The following C8A variants were observed in gnomAD, a reference collection of about 807,000 sequenced individuals.
C8A encodes the protein complement C8 alpha chain.
C8A carries 67 observed loss-of-function variants against 65.3 expected under a neutral mutation model. The ratio of observed to expected loss-of-function variants is 1.03; its 90% CI spans 0.84 to 1.26. The LOEUF (loss-of-function observed/expected upper bound fraction) is 1.26. Ranked by LOEUF, C8A falls within the 50% of genes most tolerant of loss-of-function variation. The pLI is 0.00. For missense variants in C8A, 781 were observed against 723.9 expected (o/e 1.08, Z -0.90); for synonymous variants, 290 against 259.4 (o/e 1.12, Z -1.13).
intron 9 of C8A, among the ~76,000 whole-genome samples, chr1:56,911,238 G>A (rs546361418): frequency 2.2e-4 from 33 of 152,080 alleles, no homozygotes; most frequent in Non-Finnish European, 4.4e-4. Flanking sequence ...ATCAGACTTA[G>A]ACAGGGGCAG....
In C8A at chr1:56,907,894, T is replaced by A. The variant is rs566499670; in HGVS notation, c.1223-62T>A. On this transcript the variant is annotated intron_variant, in intron 8 of 10. Transcript: ENST00000361249. Reference sequence around the variant, plus strand: ...TCTTCCAAATCTCATTAGTGGGGTTTGTCAACCAGTCCTTGGGCTTTTTGG... The same window carrying A: ...TCTTCCAAATCTCATTAGTGGGGTTAGTCAACCAGTCCTTGGGCTTTTTGG... 29 of 1,578,986 alleles carry A rather than the reference T, an allele frequency of 1.8e-5. No homozygotes were observed. The African/African-American group carries it at 3.6e-4, about 20-fold the overall frequency.
At chr1:56,901,012 C>A (rs1048974979) in intron 7 of C8A, among the ~76,000 whole-genome samples, 1 of 152,268 alleles carries the variant, frequency 6.6e-6, no homozygotes, top group South Asian at 2.1e-4. Context: ...GATAAAGGGA[C>A]TTTCTAGCAC....
At chr1:56,877,376 A>G (rs1210410319) in intron 4 of C8A, among the ~76,000 whole-genome samples, 3 of 151,876 alleles carry the variant, frequency 2.0e-5, no homozygotes, top group Non-Finnish European at 4.4e-5. Flanking sequence ...GTCCCCTCCC[A>G]TTGCTCCCAG....
chr1:56,874,872 C>T (rs1013305371), intron 2 of C8A, 77 bp from the exon 3 acceptor site: 75 of 1,541,926 alleles, frequency 4.9e-5, no homozygotes, highest in South Asian at 1.7e-4. Context: ...TATGTTGAGC[C>T]GAAACCAGGC....
chr1:56,854,884 C>A lies in C8A; in HGVS notation c.-18C>A, dbSNP rs143035893. ...TTTATTCCTTCAAGGTAATATAGTG[C>A]GGTGGCTTCTGGCTGAGATGTTTGC... On this transcript the variant is annotated 5_prime_UTR_variant, in exon 1 of 11. Transcript: ENST00000361249. The A allele has an allele frequency of 1.3e-5, 21 of 1,609,088 alleles. No individual in the cohort carries two copies. The Admixed American group carries it at 2.7e-4, about 21-fold the overall frequency.
At chr1:56,881,295 A>G (rs1425434452) in intron 4 of C8A, 150 bp from the exon 5 acceptor site, 6 of 763,694 alleles carry the variant, frequency 7.9e-6, no homozygotes, top group Non-Finnish European at 1.3e-5. Context: ...TCCAACTTTT[A>G]TTTTAAGTTC....
At chr1:56,914,740 T>C (rs974380795) in intron 10 of C8A, among the ~76,000 whole-genome samples, 7 of 152,028 alleles carry the variant, frequency 4.6e-5, no homozygotes, top group Non-Finnish European at 8.8e-5. Context: ...TCTCAGCTCA[T>C]TGCAACCTCC....
chr1:56,860,073 A>T (rs543672048), intron 1 of C8A, among the ~76,000 whole-genome samples: 118 of 152,132 alleles, frequency 7.8e-4, no homozygotes, highest in African/African-American at 2.4e-3. Flanking sequence ...AAAAGAAAAA[A>T]TTTTTTTTTA....
In C8A at chr1:56,917,592, G is replaced by A. The variant is rs751435132; in HGVS notation, c.1631G>A (p.Cys544Tyr). 1 of 1,614,178 alleles carries A rather than the reference G, an allele frequency of 6.2e-7. No individual in the cohort carries two copies. The highest frequency in any genetic ancestry group is 8.5e-7 in the Non-Finnish European group (1 of 1,180,030). The change falls in exon 11 of 11, where the codon TGC becomes TAC. Residue 544 changes from cysteine (C) to tyrosine (Y), a missense_variant. Transcript: ENST00000361249. ...GCCAAAGCAGATGGGAGCTGGAGTT[G>A]CTGGAGCTCCTGGTCTGTATGCAGA... ...EGAKADGSWS[C>Y]WSSWSVCRAG...
Position 56,912,594 on chromosome 1 carries a change from G to T in C8A, c.1572G>T (p.Leu524Phe). ...SCRCQCRLGSLGAACEQTQTE... is the reference protein window; with the variant it reads ...SCRCQCRLGSFGAACEQTQTE... ...GGTGCCAGTGCCGCCTGGGTAGCTT[G>T]GGTGCTGCCTGTGAGCAAACACAGA... is the stretch of plus-strand genomic sequence containing the variant. The change falls in exon 10 of 11, where the codon TTG (leucine) becomes TTT (phenylalanine). Residue 524 changes from leucine to phenylalanine, a missense_variant. Physicochemically the swap from Leu to Phe is conservative, Grantham distance 22 (BLOSUM62 0). Coordinates refer to ENST00000361249, the MANE Select transcript of C8A (RefSeq NM_000562.3). 1 of 1,614,180 alleles carries T rather than the reference G, an allele frequency of 6.2e-7. No homozygotes were observed. Among genetic ancestry groups the T allele is most frequent in the Non-Finnish European group, 8.5e-7 (1 of 1,180,038 alleles).
intron 7 of C8A, among the ~76,000 whole-genome samples, chr1:56,906,192 G>T (rs1644462775): frequency 1.3e-5 from 2 of 152,306 alleles, no homozygotes; most frequent in South Asian, 4.1e-4. Context: ...GAATTATTCA[G>T]ATCTAAAAAT....
chr1:56,881,601 G>A lies in C8A; in HGVS notation c.621G>A (p.Arg207=), dbSNP rs1029029680. The change falls in exon 5 of 11, where the codon CGG becomes CGA. Residue 207 remains arginine, a synonymous_variant. Transcript: ENST00000361249. ...LYYGDDEKYF[R]KPYNFLKYHF... ...ATGGAGATGATGAGAAATACTTTCG[G>A]AAACCCTACAACTTTCTGAAGTACC... is the stretch of plus-strand genomic sequence containing the variant. 1 of 1,613,484 alleles carries A rather than the reference G, an allele frequency of 6.2e-7. No homozygotes were observed. Among genetic ancestry groups the A allele is most frequent in the African/African-American group, 1.3e-5 (1 of 74,894 alleles).
At chr1:56,893,730 C>T (rs1185496768) in intron 7 of C8A, among the ~76,000 whole-genome samples, 1 of 152,156 alleles carries the variant, frequency 6.6e-6, no homozygotes, top group Non-Finnish European at 1.5e-5. Context: ...TCATCTGCCT[C>T]ATAGAGTGGT....
chr1:56,881,952 T>A (rs547002684), intron 5 of C8A, among the ~76,000 whole-genome samples: 1 of 152,170 alleles, frequency 6.6e-6, no homozygotes, highest in Non-Finnish European at 1.5e-5. Flanking sequence ...TATACAAGAC[T>A]GTTAGCAGCT....
intron 1 of C8A, among the ~76,000 whole-genome samples, chr1:56,856,912 C>A (rs1214666579): frequency 6.6e-6 from 1 of 152,032 alleles, no homozygotes; most frequent in African/African-American, 2.4e-5. Flanking sequence ...AAGTTATAAT[C>A]TTCAGCCTCA....
At chr1:56,898,168 G>A (rs898414434) in intron 7 of C8A, among the ~76,000 whole-genome samples, 5 of 152,094 alleles carry the variant, frequency 3.3e-5, no homozygotes, top group East Asian at 1.9e-4. Flanking sequence ...GGTTGGACTC[G>A]GTTTTGGAAG....
At chr1:56,877,454 T>C (rs568718199) in intron 4 of C8A, among the ~76,000 whole-genome samples, 4 of 152,176 alleles carry the variant, frequency 2.6e-5, no homozygotes, top group African/African-American at 9.7e-5. Context: ...GAGGTGTCTA[T>C]CTGCCCAGGC....
chr1:56,865,353 T>G (rs6669054), intron 1 of C8A, among the ~76,000 whole-genome samples: 17,598 of 152,258 alleles, frequency 0.12, 1,127 homozygotes, highest in Non-Finnish European at 0.15. Context: ...ATTCAGTGTC[T>G]GGTGAGGGCC....
chr1:56,874,036 A>T (rs1257850918), intron 2 of C8A, among the ~76,000 whole-genome samples: 1 of 152,130 alleles, frequency 6.6e-6, no homozygotes, highest in Non-Finnish European at 1.5e-5. Context: ...TCAAAGGTGG[A>T]CCCAGGGACT....
Sources: allele counts gnomAD v4.1 joint callset (sites outside exome capture counted in the v4.1 genomes callset), GRCh38; gene constraint gnomAD v4.1.1; transcripts MANE v1.5; gene names NCBI Gene and HGNC (gene_info 2026-07-23, HGNC 2026-07-21).